PDZRN4: variants seen among roughly 807,000 people sequenced by gnomAD.
The protein encoded by PDZRN4 is PDZ domain-containing RING finger protein 4.
Under a neutral mutation model 99.0 loss-of-function variants are expected in PDZRN4, and 70 were observed. The ratio of observed to expected loss-of-function variants is 0.71; its 90% CI spans 0.58 to 0.86. The LOEUF (loss-of-function observed/expected upper bound fraction) is 0.86, where lower values mean the gene tolerates loss of function less well. Among genes scored for constraint, PDZRN4 ranks in the 40% least tolerant of loss-of-function variants. The probability of loss-of-function intolerance (pLI) is 0.00; values close to 1 mark genes in which losing one functional copy is unlikely to be tolerated. For synonymous variants in PDZRN4, 551 were observed against 501.6 expected, an observed-to-expected ratio of 1.10 and a Z score of -1.32; for missense variants, 1,474 against 1,331.2, an observed-to-expected ratio of 1.11 and a Z score of -1.67.
chr12:41,573,172 C>G lies in PDZRN4; in HGVS notation c.2393C>G (p.Thr798Ser). Residue 798 changes from threonine to serine, a missense_variant, in exon 10 of 10, where the codon ACT (threonine) becomes AGT (serine). Coordinates refer to ENST00000402685, the MANE Select transcript of PDZRN4 (RefSeq NM_001164595.2). The part of the protein sequence containing the change: ...KESTSTKAKT[T>S]EQGCSAESKE... Reference sequence around the variant, plus strand: ...TCGACCTCCACCAAAGCCAAAACCACTGAGCAAGGTTGTAGCGCTGAAAGC... The same window carrying G: ...TCGACCTCCACCAAAGCCAAAACCAGTGAGCAAGGTTGTAGCGCTGAAAGC... 1 of 1,614,152 alleles carries G rather than the reference C, an allele frequency of 6.2e-7. No individual in the cohort carries two copies. Among genetic ancestry groups the G allele is most frequent in the East Asian group, 2.2e-5 (1 of 44,874 alleles).
rs373546139 is a variant in PDZRN4, at chr12:41,573,262, C to G, written c.2483C>G (p.Pro828Arg). 3 of 1,613,924 alleles carry G rather than the reference C, an allele frequency of 1.9e-6. No homozygotes were observed. Among genetic ancestry groups the G allele is most frequent in the Non-Finnish European group, 2.5e-6 (3 of 1,180,020 alleles). ...GAGAAGGCAGTCAGCGAACACATCC[C>G]TTACCTCTCTCCTTACCACAGCTCC... The part of the protein sequence containing the change: ...DQEKAVSEHI[P>R]YLSPYHSSSY... The change falls in exon 10 of 10, where the codon CCT becomes CGT. Residue 828 changes from proline (P) to arginine (R), a missense_variant. By Grantham distance (103) the Pro-to-Arg change is moderately radical. Coordinates refer to ENST00000402685, the MANE Select transcript of PDZRN4 (RefSeq NM_001164595.2).
Position 41,450,504 on chromosome 12 carries a change from C to T in PDZRN4, c.844-55952C>T, listed in dbSNP as rs542593615. Among the ~76,000 whole-genome samples the T allele has an allele frequency of 9.2e-5, 14 of 152,250 alleles. No homozygotes were observed. In the South Asian group the frequency reaches 1.5e-3, roughly 16 times the overall value. ...GTAAGACTAGAATCTTATTCAGATACTGGGGAATCTGAAGAAGGAGGGAAG... is the reference window on the plus strand; with the variant it reads ...GTAAGACTAGAATCTTATTCAGATATTGGGGAATCTGAAGAAGGAGGGAAG... On this transcript the variant is annotated intron_variant, in intron 3 of 9. Coordinates refer to ENST00000402685, the MANE Select transcript of PDZRN4 (RefSeq NM_001164595.2).
chr12:41,298,322 A>G (rs1951509108), intron 3 of PDZRN4, among the ~76,000 whole-genome samples: 1 of 152,120 alleles, frequency 6.6e-6, no homozygotes, highest in Non-Finnish European at 1.5e-5. Context: ...TGCTATTTGT[A>G]TGTTATACAT....
intron 3 of PDZRN4, among the ~76,000 whole-genome samples, chr12:41,316,224 G>T (rs959044653): frequency 6.6e-6 from 1 of 151,714 alleles, no homozygotes; most frequent in Non-Finnish European, 1.5e-5. Context: ...TTCATGTATT[G>T]ACCCCTCTAG....
At chr12:41,500,666 T>C (rs939848455) in intron 3 of PDZRN4, among the ~76,000 whole-genome samples, 2 of 152,044 alleles carry the variant, frequency 1.3e-5, no homozygotes, top group African/African-American at 2.4e-5. Context: ...CTTTTTATTA[T>C]AAATATGTTT....
chr12:41,407,944 A>G (rs1003316141), intron 3 of PDZRN4, among the ~76,000 whole-genome samples: 1 of 152,232 alleles, frequency 6.6e-6, no homozygotes, highest in Admixed American at 6.5e-5. Flanking sequence ...TGTTATGTAC[A>G]GAATATAAAG....
chr12:41,563,412 C>CT (rs1432401636), intron 7 of PDZRN4, 136 bp from the exon 8 acceptor site: 1 of 645,262 alleles, frequency 1.5e-6, no homozygotes, highest in East Asian at 2.8e-5. Flanking sequence ...GCACTTTGAG[C>CT]TGAGGGGCTG....
intron 3 of PDZRN4, among the ~76,000 whole-genome samples, chr12:41,233,122 G>T (rs192725618): frequency 8.3e-4 from 126 of 152,256 alleles, no homozygotes; most frequent in African/African-American, 2.9e-3. Context: ...ATCAAAGTGG[G>T]TGAAGGAAAT....
At chr12:41,363,281 G>C (rs886713446) in intron 3 of PDZRN4, among the ~76,000 whole-genome samples, 1 of 152,080 alleles carries the variant, frequency 6.6e-6, no homozygotes, top group Non-Finnish European at 1.5e-5. Context: ...GGAGCTGGCT[G>C]AATCCTTAAA....
At chr12:41,263,281 G>A (rs974034079) in intron 3 of PDZRN4, among the ~76,000 whole-genome samples, 3 of 152,146 alleles carry the variant, frequency 2.0e-5, no homozygotes, top group African/African-American at 4.8e-5. Flanking sequence ...AGTTGGGCGC[G>A]GTTGCTCATG....
chr12:41,488,800 A>G (rs530709620), intron 3 of PDZRN4, among the ~76,000 whole-genome samples: 27 of 152,310 alleles, frequency 1.8e-4, no homozygotes, highest in African/African-American at 6.5e-4. Context: ...ACAGAGGTGA[A>G]GCTCTATCCT....
At position 41,541,088 on chromosome 12, in the gene PDZRN4, C is replaced by A. The variant is rs1003653512; in HGVS notation, c.1204-11568C>A. Reference sequence around the variant, plus strand: ...TACAGGCACCCACCACCATGCCCAGCTAATTTTTTCTTTTTGTATTTTTAG... The same window carrying A: ...TACAGGCACCCACCACCATGCCCAGATAATTTTTTCTTTTTGTATTTTTAG... On this transcript the variant is annotated intron_variant, in intron 5 of 9. Coordinates refer to ENST00000402685, the MANE Select transcript of PDZRN4 (RefSeq NM_001164595.2). 7.2e-4 allele frequency among the ~76,000 whole-genome samples: 109 copies of A among 152,064 alleles called. 1 individual carries two copies. Among genetic ancestry groups the A allele is most frequent in the African/African-American group, 2.5e-3 (104 of 41,492 alleles).
intron 3 of PDZRN4, among the ~76,000 whole-genome samples, chr12:41,247,845 T>C (rs1951142879): frequency 6.6e-6 from 1 of 152,228 alleles, no homozygotes; most frequent in African/African-American, 2.4e-5. Flanking sequence ...AAAAGATCTA[T>C]GCTCAAACTA....
intron 3 of PDZRN4, among the ~76,000 whole-genome samples, chr12:41,210,462 TG>T (rs1220650036): frequency 6.6e-6 from 1 of 152,032 alleles, no homozygotes; most frequent in Non-Finnish European, 1.5e-5. Flanking sequence ...TGATATCTTT[TG>T]GAAGGGAAGT....
intron 3 of PDZRN4, among the ~76,000 whole-genome samples, chr12:41,231,054 T>C (rs1951026453): frequency 6.6e-6 from 1 of 152,110 alleles, no homozygotes; most frequent in Non-Finnish European, 1.5e-5. Context: ...CACGTGCATG[T>C]GTGTTTTCAA....
chr12:41,473,895 C>T (rs1176776826), intron 3 of PDZRN4, among the ~76,000 whole-genome samples: 2 of 152,176 alleles, frequency 1.3e-5, no homozygotes, highest in Non-Finnish European at 2.9e-5. Context: ...TTAGGAAAGT[C>T]TTTGAGAATC....
Position 41,573,128 on chromosome 12 carries a change from C to G in PDZRN4, c.2349C>G (p.Ser783=). ...CAATGGCAGCCACCCAGTCCTCTTC[C>G]GGACAGAGCAGTAAAGAGTCGACCT... ...RSTMAATQSS[S]GQSSKESTST... The change falls in exon 10 of 10, where the codon TCC becomes TCG. Residue 783 remains serine (S), a synonymous_variant. Transcript: ENST00000402685. 6.2e-7 allele frequency: 1 copy of G among 1,614,086 alleles called. No homozygotes were observed. The highest frequency in any genetic ancestry group is 8.5e-7 in the Non-Finnish European group (1 of 1,180,012).
chr12:41,367,674 G>A (rs1368639743), intron 3 of PDZRN4, among the ~76,000 whole-genome samples: 2 of 152,070 alleles, frequency 1.3e-5, no homozygotes, highest in Middle Eastern at 3.4e-3. Context: ...AAATAGCTTG[G>A]TGGTAATTTG....
chr12:41,505,004 T>A (rs186289615), intron 3 of PDZRN4, among the ~76,000 whole-genome samples: 1 of 152,198 alleles, frequency 6.6e-6, no homozygotes, highest in East Asian at 1.9e-4. Context: ...CTCCTCCAGG[T>A]CATTAAGCCT....
Sources: gnomAD v4.1 joint callset for allele counts (sites outside exome capture counted in the v4.1 genomes callset) on GRCh38, gnomAD v4.1.1 for gene constraint, MANE v1.5 for transcripts, NCBI Gene and HGNC (gene_info 2026-07-23, HGNC 2026-07-21) for gene names.